GUCY1A2: variants seen among roughly 807,000 people sequenced by gnomAD.
GUCY1A2 encodes guanylate cyclase 1 soluble subunit alpha 2, also known as guanylate cyclase soluble subunit alpha-2.
A neutral mutation model predicts 63.5 loss-of-function variants in GUCY1A2; 27 were observed. That is an observed-to-expected ratio of 0.43 (90% CI 0.31 to 0.59). The LOEUF is 0.59. Among genes scored for constraint, GUCY1A2 ranks in the 20% least tolerant of loss-of-function variants. The pLI is 0.11. For missense variants in GUCY1A2, 768 were observed against 913.3 expected (o/e 0.84, Z 2.05); for synonymous variants, 364 against 343.5 (o/e 1.06, Z -0.66).
At chr11:106,769,774 AATGAGG>A (rs1392018816) in intron 6 of GUCY1A2, among the ~76,000 whole-genome samples, 1 of 152,134 alleles carries the variant, frequency 6.6e-6, no homozygotes, top group Non-Finnish European at 1.5e-5. Context: ...AAATGTGAGA[AATGAGG>A]ATAACTGGGA....
chr11:106,858,487 G>A (rs1859466891), intron 4 of GUCY1A2, among the ~76,000 whole-genome samples: 2 of 151,980 alleles, frequency 1.3e-5, no homozygotes, highest in Admixed American at 6.6e-5. Context: ...CTGTTTTATA[G>A]ATGAGAAAAC....
chr11:106,954,241 TTG>T (rs1164455062), intron 3 of GUCY1A2, among the ~76,000 whole-genome samples: 1 of 152,192 alleles, frequency 6.6e-6, no homozygotes, highest in African/African-American at 2.4e-5. Context: ...AAAAAACTTT[TTG>T]ATTTCTGCTT....
At chr11:106,861,793 A>G (rs1023192534) in intron 4 of GUCY1A2, among the ~76,000 whole-genome samples, 1 of 152,000 alleles carries the variant, frequency 6.6e-6, no homozygotes, top group African/African-American at 2.4e-5. Flanking sequence ...TTAAAAAAAC[A>G]CTTTTATCTC....
intron 5 of GUCY1A2, among the ~76,000 whole-genome samples, chr11:106,787,233 AAAT>A (rs1864571793): frequency 6.6e-6 from 1 of 151,774 alleles, no homozygotes; most frequent in Non-Finnish European, 1.5e-5. Flanking sequence ...TTGTGCCAGC[AAAT>A]ACTAGGTCTT....
At chr11:106,795,304 T>C (rs1392310322) in intron 5 of GUCY1A2, among the ~76,000 whole-genome samples, 2 of 152,170 alleles carry the variant, frequency 1.3e-5, no homozygotes, top group Non-Finnish European at 2.9e-5. Flanking sequence ...GGACCTTATA[T>C]TAAGCAGAGG....
intron 1 of GUCY1A2, among the ~76,000 whole-genome samples, chr11:107,015,598 A>C (rs3109395): frequency 2.6e-5 from 3 of 113,366 alleles, no homozygotes; most frequent in South Asian, 3.0e-4. Flanking sequence ...AAAAAAAAAA[A>C]CCTCCAAGGT....
Position 106,737,406 on chromosome 11 carries a change from T to A in GUCY1A2, c.1837-28740A>T, listed in dbSNP as rs182949270. On this transcript the variant is annotated intron_variant, in intron 6 of 7. Coordinates refer to ENST00000526355, the MANE Select transcript of GUCY1A2 (RefSeq NM_000855.3). Reference sequence around the variant, plus strand: ...TAGAGTGGACCATCTCTTTTTCTTTTTTTAAATTATACTTTAAGTGCTGGG... The same window carrying A: ...TAGAGTGGACCATCTCTTTTTCTTTATTTAAATTATACTTTAAGTGCTGGG... Among the ~76,000 whole-genome samples the A allele has an allele frequency of 5.0e-4, 76 of 152,316 alleles. 1 individual carries two copies. The highest frequency in any genetic ancestry group is 3.4e-3 in the Middle Eastern group (1 of 294).
chr11:106,861,432 G>T (rs1859511037), intron 4 of GUCY1A2, among the ~76,000 whole-genome samples: 1 of 151,738 alleles, frequency 6.6e-6, no homozygotes, highest in East Asian at 1.9e-4. Flanking sequence ...GTGTCTCTTT[G>T]TTGCTAGGAC....
chr11:106,867,627 G>A lies in GUCY1A2; in HGVS notation c.1207-57149C>T, dbSNP rs568830796. Among the ~76,000 whole-genome samples the A allele has an allele frequency of 5.3e-5, 8 of 152,062 alleles. 2 individuals carry two copies. Among genetic ancestry groups the A allele is most frequent in the African/African-American group, 1.2e-4 (5 of 41,516 alleles). ...GAAATAAATTAAATCCAAGTTCAAC[G>A]ACACAGCATGAATGCTAAGGACCAT... On this transcript the variant is annotated intron_variant, in intron 4 of 7. Transcript: ENST00000526355.
At position 106,678,497 on chromosome 11, in the gene GUCY1A2, T is replaced by G. The variant is rs1338022376; in HGVS notation, c.*9052A>C. On this transcript the variant is annotated 3_prime_UTR_variant, in exon 8 of 8. Coordinates refer to ENST00000526355, the MANE Select transcript of GUCY1A2 (RefSeq NM_000855.3). ...CAAACCTCAGAAGAAAGTCATATTT[T>G]GCTAGCTTTTAAAGAGTGATATTGA... The G allele has an allele frequency of 4.7e-6, 1 of 213,974 alleles. No homozygotes were observed. The highest frequency in any genetic ancestry group is 9.4e-6 in the Non-Finnish European group (1 of 105,840). The allele number at this position is 213,974 out of a possible 1,614,324, so 13.3% of individuals were successfully genotyped here. A position where few individuals can be genotyped will look rare whatever the true frequency, so the allele number is the denominator to read the frequency against.
At chr11:106,781,238 A>C (rs1411796021) in intron 5 of GUCY1A2, among the ~76,000 whole-genome samples, 1 of 152,026 alleles carries the variant, frequency 6.6e-6, no homozygotes, top group Non-Finnish European at 1.5e-5. Flanking sequence ...AGTGCATTTC[A>C]TTTATTTTCA....
At chr11:106,946,258 G>A (rs905265094) in intron 3 of GUCY1A2, among the ~76,000 whole-genome samples, 1 of 151,914 alleles carries the variant, frequency 6.6e-6, no homozygotes, top group African/African-American at 2.4e-5. Context: ...AGAGAAAAAG[G>A]AAGATAATCA....
At chr11:106,999,411 T>C (rs570393918) in intron 1 of GUCY1A2, among the ~76,000 whole-genome samples, 3 of 152,350 alleles carry the variant, frequency 2.0e-5, no homozygotes, top group East Asian at 3.9e-4. Context: ...TCATTTCTAT[T>C]AGTCACTCTG....
chr11:106,719,516 T>C (rs1304476524), intron 6 of GUCY1A2, among the ~76,000 whole-genome samples: 1 of 152,186 alleles, frequency 6.6e-6, no homozygotes, highest in Non-Finnish European at 1.5e-5. Context: ...GGAATTTTAA[T>C]AATGAGTTTG....
intron 6 of GUCY1A2, among the ~76,000 whole-genome samples, chr11:106,756,277 C>G (rs540049997): frequency 6.6e-6 from 1 of 152,302 alleles, no homozygotes; most frequent in East Asian, 1.9e-4. Flanking sequence ...ATACAGCACA[C>G]TGATGGGTCT....
At chr11:106,859,181 C>T (rs925180733) in intron 4 of GUCY1A2, among the ~76,000 whole-genome samples, 12 of 151,876 alleles carry the variant, frequency 7.9e-5, no homozygotes, top group African/African-American at 2.9e-4. Context: ...CTTACATCTA[C>T]AATTCAATTA....
At chr11:106,941,087 A>G (rs920378430) in intron 3 of GUCY1A2, among the ~76,000 whole-genome samples, 3 of 152,198 alleles carry the variant, frequency 2.0e-5, no homozygotes, top group Admixed American at 1.3e-4. Flanking sequence ...AGGAGAAAAA[A>G]CAAGAAAATA....
chr11:106,704,188 A>T (rs1023776391), intron 7 of GUCY1A2, among the ~76,000 whole-genome samples: 1 of 152,180 alleles, frequency 6.6e-6, no homozygotes, highest in African/African-American at 2.4e-5. Flanking sequence ...ATCATGGCTA[A>T]ATTTATAAAT....
intron 5 of GUCY1A2, among the ~76,000 whole-genome samples, chr11:106,791,835 T>A (rs1166485528): frequency 3.3e-5 from 5 of 152,062 alleles, no homozygotes. Context: ...AAAATTTGGT[T>A]TTTATATATC....
Sources: allele counts gnomAD v4.1 joint callset (sites outside exome capture counted in the v4.1 genomes callset), GRCh38; gene constraint gnomAD v4.1.1; transcripts MANE v1.5; gene names NCBI Gene and HGNC (gene_info 2026-07-23, HGNC 2026-07-21).